The following SLC44A5 variants were observed in gnomAD, a reference collection of about 807,000 sequenced individuals.
SLC44A5 encodes the protein solute carrier family 44 member 5.
A neutral mutation model predicts 101.8 loss-of-function variants in SLC44A5; 57 were observed. The ratio of observed to expected loss-of-function variants is 0.56; its 90% CI spans 0.45 to 0.70. The LOEUF is 0.70. Ranked by LOEUF, SLC44A5 falls within the 30% of genes least tolerant of loss-of-function variation. The pLI is 0.00. For missense variants in SLC44A5, 737 were observed against 853.1 expected, an observed-to-expected ratio of 0.86 and a Z score of 1.70; for synonymous variants, 281 against 290.9, an observed-to-expected ratio of 0.97 and a Z score of 0.35.
chr1:75,654,708 T>A, the SLC44A5 span, among the ~76,000 whole-genome samples: 2 of 152,150 alleles, frequency 1.3e-5, no homozygotes, highest in Non-Finnish European at 2.9e-5. Context: ...AAGAGATGAC[T>A]TCCATAGACA....
Position 75,464,899 on chromosome 1 carries a change from A to G in SLC44A5, c.14-68278T>C, listed in dbSNP as rs531310614. ...ACATAAAGCAAATATTATTACAGCT[A>G]AAGAAAGAGAGAGGCCCCAGTACAA... On this transcript the variant is annotated intron_variant, in intron 2 of 23. Transcript: ENST00000370859. Among the ~76,000 whole-genome samples the G allele has an allele frequency of 1.8e-4, 28 of 152,254 alleles. 1 individual carries two copies. The South Asian group carries it at 5.6e-3, about 30-fold the overall frequency.
Position 75,496,448 on chromosome 1 carries a change from C to A in SLC44A5, c.13+44987G>T, listed in dbSNP as rs1040627139. ...AATTGGACCCTTATCTTACAATATA[C>A]ACAAAAATCAACTCAAAATGGATTA... On this transcript the variant is annotated intron_variant, in intron 2 of 23. Transcript: ENST00000370859. Among the ~76,000 whole-genome samples, 4 of 151,852 alleles carry A rather than the reference C, an allele frequency of 2.6e-5. No homozygotes were observed. In the East Asian group the frequency reaches 7.7e-4, roughly 29 times the overall value.
In SLC44A5 at chr1:75,440,286, C is replaced by T. The variant is rs6697516; in HGVS notation, c.14-43665G>A. On this transcript the variant is annotated intron_variant, in intron 2 of 23. Transcript: ENST00000370859. Reference sequence around the variant, plus strand: ...TGTGGTTTGAGAAGTTCTCACTGATCAAGTGACATTTGGACAAAGACCTGA... The same window carrying T: ...TGTGGTTTGAGAAGTTCTCACTGATTAAGTGACATTTGGACAAAGACCTGA... 8.9e-3 allele frequency among the ~76,000 whole-genome samples: 1,361 copies of T among 152,120 alleles called. 21 individuals carry two copies. The highest frequency in any genetic ancestry group is 0.031 in the African/African-American group (1,300 of 41,518).
At chr1:75,392,335 C>T (rs1206833338) in intron 3 of SLC44A5, among the ~76,000 whole-genome samples, 1 of 151,978 alleles carries the variant, frequency 6.6e-6, no homozygotes, top group African/African-American at 2.4e-5. Context: ...AAAAACAATT[C>T]CATTAAAAGG....
chr1:75,216,013 T>C (rs1450940155), intron 18 of SLC44A5, among the ~76,000 whole-genome samples, 156 bp from the exon 19 acceptor site: 1 of 152,088 alleles, frequency 6.6e-6, no homozygotes, highest in African/African-American at 2.4e-5. Flanking sequence ...TTTTTAAGTG[T>C]ACAGTTCAGT....
intron 2 of SLC44A5, among the ~76,000 whole-genome samples, chr1:75,441,027 C>T (rs1231647794): frequency 6.6e-6 from 1 of 151,704 alleles, no homozygotes; most frequent in South Asian, 2.1e-4. Flanking sequence ...TAAAATTCTG[C>T]AAAATAGCAT....
intron 6 of SLC44A5, among the ~76,000 whole-genome samples, chr1:75,253,698 G>A (rs896055703): frequency 1.9e-4 from 29 of 152,106 alleles, no homozygotes; most frequent in African/African-American, 6.8e-4. Context: ...ACTGTGAATG[G>A]TAAATCAGTA....
intron 2 of SLC44A5, among the ~76,000 whole-genome samples, chr1:75,535,015 T>C (rs949091419): frequency 2.0e-5 from 3 of 151,450 alleles, no homozygotes; most frequent in Non-Finnish European, 4.4e-5. Flanking sequence ...ACCTAGTCAA[T>C]TGATAATTCT....
rs1666208608 is a variant in SLC44A5, at chr1:75,456,797, C to T, written c.14-60176G>A. Among the ~76,000 whole-genome samples the T allele has an allele frequency of 2.0e-5, 3 of 152,200 alleles. 1 individual carries two copies. In the South Asian group the frequency reaches 6.2e-4, roughly 31 times the overall value. ...AATGTTAATATACTAGAAAGTTGTG[C>T]CTGCTTATTCTGTGGCTTCACACTC... On this transcript the variant is annotated intron_variant, in intron 2 of 23. Coordinates refer to ENST00000370859, the MANE Select transcript of SLC44A5 (RefSeq NM_001130058.2).
At chr1:75,254,109 G>C (rs1026817546) in intron 6 of SLC44A5, among the ~76,000 whole-genome samples, 7 of 151,760 alleles carry the variant, frequency 4.6e-5, no homozygotes, top group Admixed American at 1.3e-4. Context: ...CGCAATCTCT[G>C]CTCACTGCGA....
In SLC44A5 at chr1:75,521,314, G is replaced by A. The variant is rs72684153; in HGVS notation, c.13+20121C>T. Among the ~76,000 whole-genome samples the A allele has an allele frequency of 4.3e-4, 65 of 152,262 alleles. 1 individual carries two copies. The highest frequency in any genetic ancestry group is 3.5e-4 in the Non-Finnish European group (24 of 68,020). On this transcript the variant is annotated intron_variant, in intron 2 of 23. Transcript: ENST00000370859. ...AGCAGGGAAATAGTGTAACGTCTGGGACGACATAAGCATTGGGATGAAGTG... is the reference window on the plus strand; with the variant it reads ...AGCAGGGAAATAGTGTAACGTCTGGAACGACATAAGCATTGGGATGAAGTG...
intron 14 of SLC44A5, among the ~76,000 whole-genome samples, chr1:75,220,391 T>C (rs1647053674): frequency 6.6e-6 from 1 of 152,158 alleles, no homozygotes; most frequent in South Asian, 2.1e-4. Flanking sequence ...CTTCATTATC[T>C]GCCTGTTTGC....
At chr1:75,279,103 G>A (rs1290766946) in intron 5 of SLC44A5, among the ~76,000 whole-genome samples, 3 of 151,820 alleles carry the variant, frequency 2.0e-5, no homozygotes, top group Non-Finnish European at 4.4e-5. Context: ...ATAAATTATT[G>A]TTAACTACAG....
chr1:75,213,823 A>T, intron 21 of SLC44A5, 30 bp from the exon 22 acceptor site: 1 of 1,566,510 alleles, frequency 6.4e-7, no homozygotes, highest in Non-Finnish European at 8.7e-7. Context: ...CATGTATATT[A>T]TACTTTTGCA....
chr1:75,358,505 T>C (rs1011489959), intron 3 of SLC44A5, among the ~76,000 whole-genome samples: 12 of 152,150 alleles, frequency 7.9e-5, no homozygotes, highest in Non-Finnish European at 1.8e-4. Context: ...TGATTTGATA[T>C]ACATTGTGAA....
At chr1:75,388,829 T>C (rs886522560) in intron 3 of SLC44A5, among the ~76,000 whole-genome samples, 3 of 150,670 alleles carry the variant, frequency 2.0e-5, no homozygotes, top group African/African-American at 7.3e-5. Context: ...ACCTTGAATA[T>C]AAGTGGCCTA....
At chr1:75,420,106 T>C (rs1007906310) in intron 2 of SLC44A5, among the ~76,000 whole-genome samples, 1 of 152,058 alleles carries the variant, frequency 6.6e-6, no homozygotes, top group Non-Finnish European at 1.5e-5. Flanking sequence ...TCATCCCTTC[T>C]ACCCTATGAA....
rs78082710 is a variant in SLC44A5, at chr1:75,275,252, A to G, written c.176-210T>C. ...GAAAGCACATTTCTCTTATTCTCTC[A>G]GGATTCAGCTGGGTTGTAGCCAAAA... On this transcript the variant is annotated intron_variant, in intron 5 of 23. Transcript: ENST00000370859. Among the ~76,000 whole-genome samples, 8 of 152,330 alleles carry G rather than the reference A, an allele frequency of 5.3e-5. No homozygotes were observed. In the East Asian group the frequency reaches 1.5e-3, roughly 29 times the overall value.
chr1:75,716,358 C>A, the SLC44A5 span, among the ~76,000 whole-genome samples: 1 of 151,960 alleles, frequency 6.6e-6, no homozygotes, highest in Non-Finnish European at 1.5e-5. Context: ...GTAGTCCCAG[C>A]CACTTGGGAG....
Sources: gnomAD v4.1 joint callset for allele counts (sites outside exome capture counted in the v4.1 genomes callset) on GRCh38, gnomAD v4.1.1 for gene constraint, MANE v1.5 for transcripts, NCBI Gene and HGNC (gene_info 2026-07-23, HGNC 2026-07-21) for gene names.